The following DLC1 variants were observed in gnomAD, a reference collection of about 807,000 sequenced individuals.
The protein encoded by DLC1 is DLC1 Rho GTPase activating protein.
In DLC1, 54 loss-of-function variants were observed where a neutral mutation model predicts 140.3. The observed-to-expected ratio is 0.38, with a 90% confidence interval of 0.31 to 0.48. The LOEUF is 0.48. DLC1 is among the 20% of genes least tolerant of loss of function. DLC1 has a pLI of 0.96. For missense variants in DLC1, 2,536 were observed against 1,907.0 expected, an observed-to-expected ratio of 1.33 and a Z score of -6.14; for synonymous variants, 986 against 728.1, an observed-to-expected ratio of 1.35 and a Z score of -5.70.
chr8:13,455,073 T>G (rs1036286291), intron 2 of DLC1, among the ~76,000 whole-genome samples: 6 of 152,212 alleles, frequency 3.9e-5, no homozygotes, highest in African/African-American at 1.4e-4. Context: ...GTAAATAAAT[T>G]AGTTAGATAA....
intron 5 of DLC1, among the ~76,000 whole-genome samples, chr8:13,176,740 G>C (rs1435726916): frequency 6.6e-6 from 1 of 152,166 alleles, no homozygotes; most frequent in Admixed American, 6.6e-5. Context: ...GAAGAATGAA[G>C]GTAGCAGATA....
chr8:13,158,741 C>T (rs868694013), intron 5 of DLC1, among the ~76,000 whole-genome samples: 3 of 100,932 alleles, frequency 3.0e-5, no homozygotes, highest in Non-Finnish European at 6.2e-5. Flanking sequence ...CCTCCCCCCC[C>T]CCCCCCGCCC....
At chr8:13,105,404 C>G (rs542126037) in intron 7 of DLC1, among the ~76,000 whole-genome samples, 39 of 152,240 alleles carry the variant, frequency 2.6e-4, no homozygotes, top group Admixed American at 1.0e-3. Context: ...GGGCCAGGCA[C>G]TATGCTAGGC....
chr8:13,459,052 T>C (rs1799540104), intron 2 of DLC1, among the ~76,000 whole-genome samples: 2 of 152,216 alleles, frequency 1.3e-5, no homozygotes, highest in African/African-American at 4.8e-5. Context: ...AGCTAATGAA[T>C]AATATTTAAT....
intron 4 of DLC1, among the ~76,000 whole-genome samples, chr8:13,324,128 G>A (rs1017334699): frequency 2.0e-5 from 3 of 152,134 alleles, no homozygotes; most frequent in Non-Finnish European, 4.4e-5. Context: ...ATCTGAAGGT[G>A]TTTTTAATTT....
At chr8:13,149,008 G>A (rs1199235107) in intron 5 of DLC1, among the ~76,000 whole-genome samples, 3 of 152,048 alleles carry the variant, frequency 2.0e-5, no homozygotes, top group African/African-American at 4.8e-5. Flanking sequence ...TAGCCAGGAC[G>A]GTCTCGATCT....
intron 4 of DLC1, among the ~76,000 whole-genome samples, chr8:13,386,976 CAAGACATCAA>C (rs1339176020): frequency 6.6e-6 from 1 of 152,002 alleles, no homozygotes; most frequent in Non-Finnish European, 1.5e-5. Flanking sequence ...TATTCAAAAG[CAAGACATCAA>C]AAGACATTCT....
At chr8:13,534,323 C>G (rs906450271) in intron 1 of DLC1, among the ~76,000 whole-genome samples, 2 of 152,084 alleles carry the variant, frequency 1.3e-5, no homozygotes, top group African/African-American at 4.8e-5. Context: ...ATAATAAGAA[C>G]TGTATTTTCT....
At chr8:13,488,373 A>G (rs962292994) in intron 2 of DLC1, among the ~76,000 whole-genome samples, 2 of 152,176 alleles carry the variant, frequency 1.3e-5, no homozygotes, top group Non-Finnish European at 2.9e-5. Context: ...CTAGGGAGCA[A>G]ATTAACTATA....
intron 2 of DLC1, among the ~76,000 whole-genome samples, chr8:13,407,177 A>C (rs980823635): frequency 6.6e-6 from 1 of 152,230 alleles, no homozygotes; most frequent in African/African-American, 2.4e-5. Context: ...GAAATCTGAA[A>C]GAAGTTCCTA....
Position 13,086,420 on chromosome 8 carries a change from G to A in DLC1, c.4336C>T (p.Leu1446=). 6.2e-7 allele frequency: 1 copy of A among 1,614,248 alleles called. No homozygotes were observed. Among genetic ancestry groups the A allele is most frequent in the Non-Finnish European group, 8.5e-7 (1 of 1,180,050 alleles). ...NLPKGACALL[L]TSVDHDRAPV... Reference sequence around the variant, plus strand: ...GCGCGATCGTGATCCACAGAGGTTAGTAAAAGGGCACAGGCTCCTTTGGGT... The same window carrying A: ...GCGCGATCGTGATCCACAGAGGTTAATAAAAGGGCACAGGCTCCTTTGGGT... The change falls in exon 17 of 18, where the codon CTA becomes TTA. Residue 1446 remains leucine (L), a synonymous_variant. Transcript: ENST00000276297.
intron 4 of DLC1, chr8:13,341,655 G>C (rs1441590426): frequency 1.5e-4 from 23 of 152,164 alleles, no homozygotes; most frequent in Admixed American, 1.5e-3. Flanking sequence ...AGAAAGCCTT[G>C]AAAGCAAAGT....
chr8:13,473,309 T>C (rs1490783792), intron 2 of DLC1, among the ~76,000 whole-genome samples: 1 of 152,102 alleles, frequency 6.6e-6, no homozygotes, highest in Admixed American at 6.6e-5. Context: ...AATTGAATCA[T>C]GGGGGCAGGT....
intron 1 of DLC1, among the ~76,000 whole-genome samples, chr8:13,500,735 T>A (rs1044302658): frequency 2.0e-5 from 3 of 152,162 alleles, no homozygotes; most frequent in African/African-American, 7.2e-5. Flanking sequence ...ATGTAGTTAC[T>A]CCAGGGAATG....
At chr8:13,136,382 T>C (rs912880247) in intron 5 of DLC1, among the ~76,000 whole-genome samples, 2 of 152,168 alleles carry the variant, frequency 1.3e-5, no homozygotes, top group Admixed American at 6.5e-5. Flanking sequence ...GCCATCTTTA[T>C]GTCCATGAGT....
intron 12 of DLC1, 113 bp from the exon 13 acceptor site, chr8:13,092,938 CACTTGT>C: frequency 8.3e-7 from 1 of 1,201,764 alleles, no homozygotes; most frequent in Non-Finnish European, 1.2e-6. Flanking sequence ...ACTGAACAAG[CACTTGT>C]AGAAAGTGCA....
intron 2 of DLC1, among the ~76,000 whole-genome samples, chr8:13,433,859 G>T (rs1010831431): frequency 2.0e-5 from 3 of 152,060 alleles, no homozygotes; most frequent in South Asian, 2.1e-4. Context: ...TTTTGGTTTG[G>T]TTTTGTTTTT....
chr8:13,457,825 C>A (rs115899574), intron 2 of DLC1, among the ~76,000 whole-genome samples: 6 of 151,840 alleles, frequency 4.0e-5, no homozygotes, highest in African/African-American at 1.5e-4. Flanking sequence ...TTTTTGCTTG[C>A]GTAGAAGGAA....
At chr8:13,556,665 G>A (rs140412758) in intron 1 of DLC1, among the ~76,000 whole-genome samples, 95 of 152,230 alleles carry the variant, frequency 6.2e-4, no homozygotes, top group African/African-American at 2.2e-3. Flanking sequence ...GACATAGGCT[G>A]GGCGCCTGAC....
Sources: allele counts gnomAD v4.1 joint callset (sites outside exome capture counted in the v4.1 genomes callset), GRCh38; gene constraint gnomAD v4.1.1; transcripts MANE v1.5; gene names NCBI Gene and HGNC (gene_info 2026-07-23, HGNC 2026-07-21).